JAKMIP1: variants seen among roughly 807,000 people sequenced by gnomAD.
The protein encoded by JAKMIP1 is janus kinase and microtubule interacting protein 1, also known as janus kinase and microtubule-interacting protein 1.
In JAKMIP1, 33 loss-of-function variants were observed where a neutral mutation model predicts 113.0. The observed-to-expected ratio is 0.29, with a 90% CI of 0.22 to 0.39. The LOEUF is 0.39. Ranked by LOEUF, JAKMIP1 falls within the 10% of genes least tolerant of loss-of-function variation. The pLI is 1.00. For missense variants in JAKMIP1, 813 were observed against 1,080.5 expected, an observed-to-expected ratio of 0.75 and a Z score of 3.47; for synonymous variants, 480 against 459.9, an observed-to-expected ratio of 1.04 and a Z score of -0.56.
Position 6,116,229 on chromosome 4 carries a change from A to G in JAKMIP1, c.-147-3232T>C, listed in dbSNP as rs1715756138. On this transcript the variant is annotated intron_variant, in intron 1 of 20. Transcript: ENST00000409021. This position sits in a 1 kb window ranked among gnomAD's most constrained non-coding sequence, Gnocchi z 5.1. Reference sequence around the variant, plus strand: ...CCCGACGCTCACAGCACCACACAGCATCACTGTAATCAGCCCCTCTGGCTG... The same window carrying G: ...CCCGACGCTCACAGCACCACACAGCGTCACTGTAATCAGCCCCTCTGGCTG... Among the ~76,000 whole-genome samples the G allele has an allele frequency of 6.6e-6, 1 of 152,088 alleles. No individual in the cohort carries two copies. The highest frequency in any genetic ancestry group is 2.1e-4 in the South Asian group (1 of 4,828).
chr4:6,116,986 G>C lies in JAKMIP1; in HGVS notation c.-147-3989C>G, dbSNP rs537404304. On this transcript the variant is annotated intron_variant, in intron 1 of 20. Coordinates refer to ENST00000409021, the MANE Select transcript of JAKMIP1 (RefSeq NM_001099433.2). This position sits in a 1 kb window ranked among gnomAD's most constrained non-coding sequence, Gnocchi z 5.1. ...TTGCAGCCCAGTGCAAAATGAAAAC[G>C]TGAGGCTCCTTGTTCAAAATTATTA... is the stretch of plus-strand genomic sequence containing the variant. 6.6e-6 allele frequency among the ~76,000 whole-genome samples: 1 copy of C among 152,220 alleles called. No individual in the cohort carries two copies. Among genetic ancestry groups the C allele is most frequent in the African/African-American group, 2.4e-5 (1 of 41,460 alleles).
chr4:6,081,807 G>A lies in JAKMIP1; in HGVS notation c.955-52C>T, dbSNP rs377754241. 38 of 1,609,136 alleles carry A rather than the reference G, an allele frequency of 2.4e-5. No homozygotes were observed. The highest frequency in any genetic ancestry group is 2.9e-5 in the Non-Finnish European group (34 of 1,177,166). ...TCAGACAACTTGACGACGGACGGCCGAGGTCACAGCACCGAGGTGAGCAGA... is the reference window on the plus strand; with the variant it reads ...TCAGACAACTTGACGACGGACGGCCAAGGTCACAGCACCGAGGTGAGCAGA... On this transcript the variant is annotated intron_variant, in intron 5 of 20. Coordinates refer to ENST00000409021, the MANE Select transcript of JAKMIP1 (RefSeq NM_001099433.2). This position sits in a 1 kb window ranked among gnomAD's most constrained non-coding sequence, Gnocchi z 4.6.
intron 8 of JAKMIP1, among the ~76,000 whole-genome samples, chr4:6,066,448 C>T (rs1170316337): frequency 1.3e-5 from 2 of 152,162 alleles, no homozygotes; most frequent in African/African-American, 2.4e-5. Flanking sequence ...CACATTCCTC[C>T]TTGCTTTTTA....
intron 19 of JAKMIP1, among the ~76,000 whole-genome samples, chr4:6,033,231 C>T (rs1315770020): frequency 1.3e-5 from 2 of 152,162 alleles, no homozygotes; most frequent in Non-Finnish European, 2.9e-5. Context: ...GGCCAGATTC[C>T]AGGTGAAATA....
chr4:6,171,660 G>T (rs1724743339), intron 1 of JAKMIP1, among the ~76,000 whole-genome samples: 2 of 152,334 alleles, frequency 1.3e-5, no homozygotes, highest in South Asian at 4.1e-4. Context: ...GGTGTGGGAA[G>T]ACAGAGTCTT....
chr4:6,137,198 A>G lies in JAKMIP1; in HGVS notation c.-147-24201T>C, dbSNP rs530527661. ...CCCATAGGGCTTGGAATCGAGCCACATGCAGCTCTGCCTCCTCCACCTGAC... is the reference window on the plus strand; with the variant it reads ...CCCATAGGGCTTGGAATCGAGCCACGTGCAGCTCTGCCTCCTCCACCTGAC... On this transcript the variant is annotated intron_variant, in intron 1 of 20. Transcript: ENST00000409021. The surrounding 1 kb of genome is among the most constrained non-coding windows in gnomAD (Gnocchi z 4.5). Among the ~76,000 whole-genome samples, 3 of 152,254 alleles carry G rather than the reference A, an allele frequency of 2.0e-5. No individual in the cohort carries two copies. In the East Asian group the frequency reaches 5.8e-4, roughly 29 times the overall value.
At position 6,036,979 on chromosome 4, in the gene JAKMIP1, C is replaced by T. The variant is rs1045170230; in HGVS notation, c.2176-872G>A. 4.9e-3 allele frequency among the ~76,000 whole-genome samples: 652 copies of T among 132,194 alleles called. 5 individuals carry two copies. Among genetic ancestry groups the T allele is most frequent in the Non-Finnish European group, 8.2e-3 (512 of 62,402 alleles). The allele number at this position is 132,194 out of a possible 152,430, so 86.7% of individuals were successfully genotyped here. A position where few individuals can be genotyped will look rare whatever the true frequency, so the allele number is the denominator to read the frequency against. On this transcript the variant is annotated intron_variant, in intron 18 of 20. Transcript: ENST00000409021. ...CTCCATCACCGAGGCAGAGGCTAAC[C>T]AGTATCCCTCCATCACTGAGGCAGA...
intron 8 of JAKMIP1, among the ~76,000 whole-genome samples, chr4:6,066,205 G>A (rs1246948451): frequency 6.6e-6 from 1 of 151,842 alleles, no homozygotes; most frequent in Non-Finnish European, 1.5e-5. Flanking sequence ...GCCCCTCCCA[G>A]CCTGAGTGTT....
chr4:6,059,308 C>T lies in JAKMIP1; in HGVS notation c.1644+1116G>A, dbSNP rs988865366. Among the ~76,000 whole-genome samples, 1 of 152,212 alleles carries T rather than the reference C, an allele frequency of 6.6e-6. No individual in the cohort carries two copies. Among genetic ancestry groups the T allele is most frequent in the Admixed American group, 6.5e-5 (1 of 15,288 alleles). Reference sequence around the variant, plus strand: ...GCCTCCATGGGAACCTCAGTCTCAACCCCGAGCCCTGCGGCAGCCATTCTG... The same window carrying T: ...GCCTCCATGGGAACCTCAGTCTCAATCCCGAGCCCTGCGGCAGCCATTCTG... On this transcript the variant is annotated intron_variant, in intron 11 of 20. Transcript: ENST00000409021. This position sits in a 1 kb window ranked among gnomAD's most constrained non-coding sequence, Gnocchi z 4.8.
rs532968521 is a variant in JAKMIP1, at chr4:6,134,938, G to A, written c.-147-21941C>T. 3.1e-4 allele frequency among the ~76,000 whole-genome samples: 47 copies of A among 152,048 alleles called. 1 individual carries two copies. Among genetic ancestry groups the A allele is most frequent in the Admixed American group, 1.2e-3 (19 of 15,286 alleles). On this transcript the variant is annotated intron_variant, in intron 1 of 20. Coordinates refer to ENST00000409021, the MANE Select transcript of JAKMIP1 (RefSeq NM_001099433.2). ...GCAGATAAACCACGGTGGATGCCCA[G>A]AGGCAAGAGAAGTGTCTTCTAGCTG...
intron 1 of JAKMIP1, among the ~76,000 whole-genome samples, chr4:6,132,708 G>C (rs1208302035): frequency 6.6e-6 from 1 of 150,852 alleles, no homozygotes; most frequent in Non-Finnish European, 1.5e-5. Flanking sequence ...CAAAGATTAA[G>C]GGTCACAAAC....
chr4:6,045,312 A>G (rs1405091947), intron 16 of JAKMIP1, among the ~76,000 whole-genome samples: 1 of 151,578 alleles, frequency 6.6e-6, no homozygotes, highest in Non-Finnish European at 1.5e-5. Flanking sequence ...TGATTTATAA[A>G]CCCTCCAATG....
In JAKMIP1 at chr4:6,185,369, C is replaced by T. The variant is rs996544032; in HGVS notation, c.-148+14884G>A. 7.2e-5 allele frequency among the ~76,000 whole-genome samples: 11 copies of T among 151,844 alleles called. No homozygotes were observed. Among genetic ancestry groups the T allele is most frequent in the South Asian group, 2.1e-4 (1 of 4,788 alleles). On this transcript the variant is annotated intron_variant, in intron 1 of 20. Coordinates refer to ENST00000409021, the MANE Select transcript of JAKMIP1 (RefSeq NM_001099433.2). The surrounding 1 kb of genome is among the most constrained non-coding windows in gnomAD (Gnocchi z 5.3). ...TCATTAAAAGCCAGACCCCAGGGGC[C>T]GGGCACGGTGGCTCACGCCTGTAAT...
intron 1 of JAKMIP1, among the ~76,000 whole-genome samples, chr4:6,132,657 A>AT (rs1253310393): frequency 6.6e-6 from 1 of 151,936 alleles, no homozygotes; most frequent in South Asian, 2.1e-4. Context: ...TAAAAAAAAA[A>AT]AAAAAGAAAG....
rs1474545014 is a variant in JAKMIP1, at chr4:6,067,931, C to T, written c.1303-2923G>A. Among the ~76,000 whole-genome samples the T allele has an allele frequency of 6.6e-6, 1 of 152,242 alleles. No individual in the cohort carries two copies. The highest frequency in any genetic ancestry group is 1.5e-5 in the Non-Finnish European group (1 of 68,046). ...TATTTCTTGTAAACACTGCTAACTG[C>T]AAGGCCTTTGGGGACGAGTCTGTTT... On this transcript the variant is annotated intron_variant, in intron 8 of 20. Coordinates refer to ENST00000409021, the MANE Select transcript of JAKMIP1 (RefSeq NM_001099433.2). The surrounding 1 kb of genome is among the most constrained non-coding windows in gnomAD (Gnocchi z 4.6).
Position 6,036,043 on chromosome 4 carries a change from C to G in JAKMIP1, c.2240G>C (p.Gly747Ala), listed in dbSNP as rs1188947404. The change falls in exon 19 of 21, where the codon GGT becomes GCT. Residue 747 changes from glycine to alanine, a missense_variant. Transcript: ENST00000409021. Reference sequence around the variant, plus strand: ...CCGCTGGCCCTCGCTCAGCGCCTCACCGGCCCTCCGCCCCGGCTCCTGCTG... The same window carrying G: ...CCGCTGGCCCTCGCTCAGCGCCTCAGCGGCCCTCCGCCCCGGCTCCTGCTG... The part of the protein sequence containing the change: ...ALQQEPGRRA[G>A]EALSEGQRED... 1 of 1,555,354 alleles carries G rather than the reference C, an allele frequency of 6.4e-7. No homozygotes were observed. Among genetic ancestry groups the G allele is most frequent in the East Asian group, 2.4e-5 (1 of 41,356 alleles).
At chr4:6,098,597 A>AGAAG (rs1231391312) in intron 3 of JAKMIP1, among the ~76,000 whole-genome samples, 1 of 147,998 alleles carries the variant, frequency 6.8e-6, no homozygotes. Context: ...AAAGGAAGAA[A>AGAAG]GAAAGGAAGA....
Position 6,049,394 on chromosome 4 carries a change from C to A in JAKMIP1, c.1962+425G>T, listed in dbSNP as rs1356158690. ...CTGCACCCGAGGGTCAGCTCCCTCT[C>A]GCTAATGGGGCCAGCGCCTCAGGCA... On this transcript the variant is annotated intron_variant, in intron 15 of 20. Coordinates refer to ENST00000409021, the MANE Select transcript of JAKMIP1 (RefSeq NM_001099433.2). The surrounding 1 kb of genome is among the most constrained non-coding windows in gnomAD (Gnocchi z 7.0). Among the ~76,000 whole-genome samples the A allele has an allele frequency of 6.6e-6, 1 of 152,232 alleles. No homozygotes were observed.
chr4:6,067,218 CT>C lies in JAKMIP1; in HGVS notation c.1303-2211del, dbSNP rs1248926977. ...AAGACAGGGGGTTGGCCCTTTTGTT[CT>C]CGACTGTATCCCAGTGTTAATGAAC... On this transcript the variant is annotated intron_variant, in intron 8 of 20. Transcript: ENST00000409021. This position sits in a 1 kb window ranked among gnomAD's most constrained non-coding sequence, Gnocchi z 4.6. Among the ~76,000 whole-genome samples the C allele has an allele frequency of 3.9e-5, 6 of 152,178 alleles. No homozygotes were observed. The highest frequency in any genetic ancestry group is 1.4e-4 in the African/African-American group (6 of 41,450).
Sources: gnomAD v4.1 joint callset for allele counts (sites outside exome capture counted in the v4.1 genomes callset) on GRCh38, gnomAD v4.1.1 for gene constraint, Gnocchi (gnomAD v3.1) non-coding constraint, MANE v1.5 for transcripts, NCBI Gene and HGNC (gene_info 2026-07-23, HGNC 2026-07-21) for gene names.